Variants in EYS observed in about 807,000 individuals in gnomAD.
The protein encoded by EYS is EGF-like photoreceptor maintenance factor.
Under a neutral mutation model 282.1 loss-of-function variants are expected in EYS, and 250 were observed. The ratio of observed to expected loss-of-function variants is 0.89; its 90% CI spans 0.80 to 0.98. The LOEUF (loss-of-function observed/expected upper bound fraction) is 0.98, where lower values mean the gene tolerates loss of function less well. Among genes scored for constraint, EYS ranks in the 50% least tolerant of loss-of-function variants. EYS has a pLI of 0.00. For missense variants in EYS, 4,016 were observed against 3,709.0 expected (o/e 1.08, Z -2.15); for synonymous variants, 1,355 against 1,282.9 (o/e 1.06, Z -1.20).
chr6:63,954,491 T>C (rs1765727928), intron 35 of EYS, among the ~76,000 whole-genome samples: 1 of 152,166 alleles, frequency 6.6e-6, no homozygotes, highest in South Asian at 2.1e-4. Context: ...TTCCTCACTA[T>C]GTAAGGGTCC....
At chr6:64,048,205 C>T (rs994158934) in intron 33 of EYS, among the ~76,000 whole-genome samples, 2 of 152,104 alleles carry the variant, frequency 1.3e-5, no homozygotes, top group African/African-American at 4.8e-5. Flanking sequence ...TGCGCACGGC[C>T]TTGATTTTGA....
intron 32 of EYS, among the ~76,000 whole-genome samples, chr6:64,073,324 G>A (rs1198888839): frequency 2.0e-5 from 3 of 151,750 alleles, no homozygotes; most frequent in Non-Finnish European, 4.4e-5. Flanking sequence ...CTACTGATGT[G>A]TTTCCATGAT....
chr6:64,658,335 G>A (rs553895593), intron 22 of EYS, among the ~76,000 whole-genome samples: 2 of 152,100 alleles, frequency 1.3e-5, no homozygotes, highest in South Asian at 2.1e-4. Flanking sequence ...ATCGTCTGAA[G>A]CCTTCTTCTC....
chr6:64,011,063 G>T (rs1222873831), intron 33 of EYS, among the ~76,000 whole-genome samples: 3 of 151,852 alleles, frequency 2.0e-5, no homozygotes, highest in African/African-American at 7.3e-5. Flanking sequence ...AATAGTTTTA[G>T]TTCCTTTTAC....
At chr6:65,257,800 T>C (rs1284306231) in intron 12 of EYS, among the ~76,000 whole-genome samples, 2 of 151,934 alleles carry the variant, frequency 1.3e-5, no homozygotes, top group African/African-American at 4.8e-5. Context: ...ATGAAAACAA[T>C]TGAATTCATG....
At chr6:63,954,676 C>T (rs1459471250) in intron 35 of EYS, among the ~76,000 whole-genome samples, 5 of 152,116 alleles carry the variant, frequency 3.3e-5, no homozygotes, top group Admixed American at 3.3e-4. Context: ...TTCTATTCCT[C>T]ACGGCAGTTG....
Position 64,360,375 on chromosome 6 carries a change from C to A in EYS, c.6078+28315G>T, listed in dbSNP as rs1415543681. ...CACCCCTAAACTGAAGAAGTGAACA[C>A]AGGCCATCACTGGAGATGCTCTACA... is the stretch of plus-strand genomic sequence containing the variant. On this transcript the variant is annotated intron_variant, in intron 29 of 42. Transcript: ENST00000503581. Among the ~76,000 whole-genome samples, 4 of 151,756 alleles carry A rather than the reference C, an allele frequency of 2.6e-5. No homozygotes were observed. The East Asian group carries it at 7.8e-4, about 30-fold the overall frequency.
At chr6:64,600,711 C>T (rs1002419530) in intron 24 of EYS, among the ~76,000 whole-genome samples, 4 of 152,038 alleles carry the variant, frequency 2.6e-5, no homozygotes, top group Admixed American at 2.6e-4. Flanking sequence ...CACTGAATGG[C>T]CGGGGCTAAT....
chr6:63,843,794 C>T lies in EYS; in HGVS notation c.7228+20392G>A, dbSNP rs1772027000. On this transcript the variant is annotated intron_variant, in intron 36 of 42. Transcript: ENST00000503581. ...AATAAAGCGTATTCAAATAGGAAGA[C>T]AGGAAGTCAAATTATCTCTGTTTGC... 1.3e-5 allele frequency among the ~76,000 whole-genome samples: 2 copies of T among 152,166 alleles called. 1 individual carries two copies. Among genetic ancestry groups the T allele is most frequent in the Admixed American group, 1.3e-4 (2 of 15,266 alleles).
chr6:65,026,969 C>CCACATGATT (rs1269089572), intron 13 of EYS, among the ~76,000 whole-genome samples: 1 of 150,370 alleles, frequency 6.7e-6, no homozygotes, highest in East Asian at 1.9e-4. Flanking sequence ...CAAAAAGTCA[C>CCACATGATT]CACATGATTT....
intron 13 of EYS, among the ~76,000 whole-genome samples, chr6:65,028,345 A>G (rs1233498500): frequency 2.0e-5 from 3 of 151,824 alleles, no homozygotes; most frequent in Non-Finnish European, 4.4e-5. Flanking sequence ...TATATCATAT[A>G]TAATTCTTTT....
At chr6:65,706,973 G>T (rs1769901089) in intron 1 of EYS, among the ~76,000 whole-genome samples, 162 bp downstream of exon 1, 1 of 152,110 alleles carries the variant, frequency 6.6e-6, no homozygotes, top group African/African-American at 2.4e-5. Context: ...GCAAATGACA[G>T]AGAAAATTTA....
intron 35 of EYS, among the ~76,000 whole-genome samples, chr6:63,873,111 A>G (rs1363985880): frequency 6.6e-6 from 1 of 151,762 alleles, no homozygotes; most frequent in Non-Finnish European, 1.5e-5. Flanking sequence ...CATTAACTCG[A>G]CATTTACATT....
intron 22 of EYS, among the ~76,000 whole-genome samples, chr6:64,657,179 C>T (rs958364336): frequency 6.6e-6 from 1 of 152,086 alleles, no homozygotes; most frequent in Non-Finnish European, 1.5e-5. Flanking sequence ...ATTGCAACCC[C>T]TGCCTTTTTT....
At chr6:64,302,949 A>C (rs879708039) in intron 30 of EYS, among the ~76,000 whole-genome samples, 91 of 152,044 alleles carry the variant, frequency 6.0e-4, no homozygotes, top group Non-Finnish European at 6.0e-4. Context: ...GATGCATCAA[A>C]CCATACCATG....
intron 2 of EYS, among the ~76,000 whole-genome samples, chr6:65,532,937 AT>A (rs1200587454): frequency 6.6e-6 from 1 of 152,140 alleles, no homozygotes; most frequent in Non-Finnish European, 1.5e-5. Context: ...ATCTTTAAAA[AT>A]ATCTCTACAA....
At chr6:64,353,708 C>G (rs1426848578) in intron 29 of EYS, among the ~76,000 whole-genome samples, 3 of 151,524 alleles carry the variant, frequency 2.0e-5, no homozygotes, top group Non-Finnish European at 4.4e-5. Context: ...TTCCTGAGAA[C>G]AAGAACTGAT....
In EYS at chr6:64,297,999, AT is replaced by A. The variant is rs201582932; in HGVS notation, c.6191+8970del. Among the ~76,000 whole-genome samples, 41 of 140,690 alleles carry A rather than the reference AT, an allele frequency of 2.9e-4. 1 individual carries two copies. Among genetic ancestry groups the A allele is most frequent in the African/African-American group, 8.7e-4 (33 of 37,760 alleles). 92.3% of individuals were successfully genotyped at this position (140,690 alleles called of 152,430 possible). A position where few individuals can be genotyped will look rare whatever the true frequency, so the allele number is the denominator to read the frequency against. ...TCTCAAAAAAAAAAAAAAAAAAAAA[AT>A]TAGGTAGAAATTAAGACATTCCCAG... is the stretch of plus-strand genomic sequence containing the variant. On this transcript the variant is annotated intron_variant, in intron 30 of 42. Coordinates refer to ENST00000503581, the MANE Select transcript of EYS (RefSeq NM_001142800.2).
At chr6:65,143,422 G>A (rs144606469) in intron 12 of EYS, among the ~76,000 whole-genome samples, 1 of 151,910 alleles carries the variant, frequency 6.6e-6, no homozygotes, top group African/African-American at 2.4e-5. Context: ...AACCTCCTGT[G>A]ATATCTGTAA....
Sources: allele counts gnomAD v4.1 joint callset (sites outside exome capture counted in the v4.1 genomes callset), GRCh38; gene constraint gnomAD v4.1.1; transcripts MANE v1.5; gene names NCBI Gene and HGNC (gene_info 2026-07-23, HGNC 2026-07-21).